RANBP2: variants seen among roughly 807,000 people sequenced by gnomAD.
RANBP2 encodes E3 SUMO-protein ligase RanBP2.
In RANBP2, 57 loss-of-function variants were observed where a neutral mutation model predicts 303.6. The observed-to-expected ratio is 0.19, with a 90% CI of 0.15 to 0.23. The LOEUF (loss-of-function observed/expected upper bound fraction) is 0.23, where lower values mean the gene tolerates loss of function less well. RANBP2 is among the 10% of genes least tolerant of loss of function. The pLI, the probability that RANBP2 is intolerant of heterozygous loss-of-function variation, is 1.00. For missense variants in RANBP2, 3,138 were observed against 3,780.8 expected (o/e 0.83, Z 4.46); for synonymous variants, 1,167 against 1,301.5 (o/e 0.90, Z 2.23).
chr2:108,752,039 T>G, intron 12 of RANBP2, 45 bp downstream of exon 12: 1 of 1,606,744 alleles, frequency 6.2e-7, no homozygotes, highest in Non-Finnish European at 8.5e-7. Flanking sequence ...TTACCTTAAT[T>G]TTTTAAAATC....
At chr2:109,123,047 G>A in the RANBP2 span, among the ~76,000 whole-genome samples, 5 of 152,188 alleles carry the variant, frequency 3.3e-5, no homozygotes, top group Non-Finnish European at 5.9e-5. Flanking sequence ...ATGCCTGGTG[G>A]ACGATGTAGC....
chr2:109,035,117 T>C, the RANBP2 span, among the ~76,000 whole-genome samples: 1 of 152,198 alleles, frequency 6.6e-6, no homozygotes, highest in Non-Finnish European at 1.5e-5. Context: ...TACACGTATG[T>C]TTTTTGTAAG....
the RANBP2 span, among the ~76,000 whole-genome samples, chr2:109,397,184 G>T: frequency 2.6e-5 from 4 of 152,090 alleles, no homozygotes; most frequent in Non-Finnish European, 5.9e-5. Context: ...ACCCTGCTCA[G>T]TTTCCGCTTG....
At chr2:109,183,334 T>A in the RANBP2 span, among the ~76,000 whole-genome samples, 1 of 152,048 alleles carries the variant, frequency 6.6e-6, no homozygotes, top group Non-Finnish European at 1.5e-5. Context: ...TGATAAGTGC[T>A]TTGCAAGGTG....
At chr2:108,971,878 A>G in the RANBP2 span, among the ~76,000 whole-genome samples, 1 of 152,240 alleles carries the variant, frequency 6.6e-6, no homozygotes, top group East Asian at 1.9e-4. Flanking sequence ...GTGCAATTAC[A>G]GAGACCAGGT....
the RANBP2 span, chr2:109,502,398 C>T: frequency 2.6e-5 from 4 of 152,314 alleles, no homozygotes; most frequent in East Asian, 7.7e-4. Context: ...ATTTTTCATA[C>T]ATCTGGTGCT....
rs1300898670 is a variant in RANBP2, at chr2:108,764,874, CAAA to C, written c.4337_4339del (p.Lys1446del). 6.2e-7 allele frequency: 1 copy of C among 1,613,804 alleles called. No individual in the cohort carries two copies. Among genetic ancestry groups the C allele is most frequent in the African/African-American group, 1.3e-5 (1 of 74,890 alleles). On this transcript the variant is annotated inframe_deletion, in exon 20 of 29. Coordinates refer to ENST00000283195, the MANE Select transcript of RANBP2 (RefSeq NM_006267.5). ...CGTGTCAGAATACAAAATCTGCTAACAAAAGTGGATCTTCATTTGTTCATCAAG... is the reference window on the plus strand; with the variant it reads ...CGTGTCAGAATACAAAATCTGCTAACAGTGGATCTTCATTTGTTCATCAAG...
the RANBP2 span, among the ~76,000 whole-genome samples, chr2:109,379,479 G>A: frequency 5.9e-5 from 9 of 152,308 alleles, no homozygotes; most frequent in African/African-American, 1.9e-4. Flanking sequence ...GCTGACAGAT[G>A]TGGCCGCTGC....
At chr2:109,220,077 A>G in the RANBP2 span, among the ~76,000 whole-genome samples, 2 of 152,236 alleles carry the variant, frequency 1.3e-5, no homozygotes, top group African/African-American at 2.4e-5. Flanking sequence ...AGGGATAGAT[A>G]TATAAACCAA....
At chr2:109,659,061 C>CA in the RANBP2 span, among the ~76,000 whole-genome samples, 1 of 128,236 alleles carries the variant, frequency 7.8e-6, no homozygotes, top group African/African-American at 3.2e-5. Flanking sequence ...CGAGACTCCG[C>CA]CCCCCCGCCA....
the RANBP2 span, among the ~76,000 whole-genome samples, chr2:109,399,856 G>A: frequency 6.6e-6 from 1 of 152,202 alleles, no homozygotes; most frequent in African/African-American, 2.4e-5. Context: ...CTGACCTTCT[G>A]CAGGACTGTG....
chr2:108,754,603 T>G (rs1263752382), intron 15 of RANBP2, among the ~76,000 whole-genome samples: 1 of 151,406 alleles, frequency 6.6e-6, no homozygotes, highest in Non-Finnish European at 1.5e-5. Flanking sequence ...CCTCTACAAT[T>G]ATCATGGTTA....
At chr2:109,118,296 A>C in the RANBP2 span, among the ~76,000 whole-genome samples, 3 of 151,976 alleles carry the variant, frequency 2.0e-5, no homozygotes, top group African/African-American at 7.2e-5. Flanking sequence ...AGCCATATAA[A>C]TGCTGCTCCT....
At chr2:109,014,229 T>C in the RANBP2 span, among the ~76,000 whole-genome samples, 2 of 152,192 alleles carry the variant, frequency 1.3e-5, no homozygotes, top group East Asian at 1.9e-4. Flanking sequence ...GCCATTACTT[T>C]AGGAAAATGG....
Position 108,719,916 on chromosome 2 carries a change from C to T in RANBP2, c.72+238C>T, listed in dbSNP as rs1439319538. On this transcript the variant is annotated intron_variant, in intron 1 of 28. Coordinates refer to ENST00000283195, the MANE Select transcript of RANBP2 (RefSeq NM_006267.5). ...CTTCCTCTTTCTCCCGGCTTGTTCCCGACGCTTGTTCCCGACGGTGCTCGC... is the reference window on the plus strand; with the variant it reads ...CTTCCTCTTTCTCCCGGCTTGTTCCTGACGCTTGTTCCCGACGGTGCTCGC... Among the ~76,000 whole-genome samples the T allele has an allele frequency of 3.3e-5, 5 of 150,696 alleles. No individual in the cohort carries two copies. In the South Asian group the frequency reaches 8.3e-4, roughly 25 times the overall value.
chr2:109,567,475 G>T, the RANBP2 span, among the ~76,000 whole-genome samples: 113 of 152,290 alleles, frequency 7.4e-4, 1 homozygote, highest in African/African-American at 2.7e-3. Context: ...AAGGGAGGCT[G>T]TAAAGTCTTC....
chr2:109,185,210 C>T, the RANBP2 span, among the ~76,000 whole-genome samples: 2 of 152,054 alleles, frequency 1.3e-5, no homozygotes, highest in Non-Finnish European at 1.5e-5. Context: ...GTTATTTTTC[C>T]GTATATTTAT....
chr2:109,242,755 T>C, the RANBP2 span, among the ~76,000 whole-genome samples: 4 of 152,208 alleles, frequency 2.6e-5, no homozygotes, highest in African/African-American at 9.6e-5. Flanking sequence ...CTTGATCTTC[T>C]TTCCCCAGTG....
At chr2:109,158,436 G>A in the RANBP2 span, among the ~76,000 whole-genome samples, 1 of 152,192 alleles carries the variant, frequency 6.6e-6, no homozygotes, top group Admixed American at 6.5e-5. Context: ...ACCATCCTGG[G>A]GGGCAGGTTC....
Sources: allele counts gnomAD v4.1 joint callset (sites outside exome capture counted in the v4.1 genomes callset), GRCh38; gene constraint gnomAD v4.1.1; transcripts MANE v1.5; gene names NCBI Gene and HGNC (gene_info 2026-07-23, HGNC 2026-07-21).